The following PPDPFL variants were observed in gnomAD, a reference collection of about 807,000 sequenced individuals.
PPDPFL encodes pancreatic progenitor cell differentiation and proliferation factor-like protein.
A neutral mutation model predicts 12.6 loss-of-function variants in PPDPFL; 12 were observed. That is an observed-to-expected ratio of 0.95 (90% CI 0.61 to 1.54). The LOEUF (loss-of-function observed/expected upper bound fraction) is 1.54, where lower values mean the gene tolerates loss of function less well. PPDPFL is among the 40% of genes most tolerant of loss of function. PPDPFL has a pLI of 0.00. For synonymous variants in PPDPFL, 24 were observed against 32.7 expected, an observed-to-expected ratio of 0.73 and a Z score of 0.91; for missense variants, 114 against 96.0, an observed-to-expected ratio of 1.19 and a Z score of -0.78.
Position 49,074,083 on chromosome 8 carries a change from C to A in PPDPFL, c.80C>A (p.Ser27Tyr). 6.2e-7 allele frequency: 1 copy of A among 1,612,604 alleles called. No homozygotes were observed. Among genetic ancestry groups the A allele is most frequent in the Non-Finnish European group, 8.5e-7 (1 of 1,178,840 alleles). The stretch of plus-strand genomic sequence containing the variant: ...GAGTCCAGTGTTTCTTCAGTTAGTT[C>A]TTTAACTAGCTCTGATTCTGTTAAC... The part of the protein sequence containing the change: ...YRKSSVSSVS[S>Y]LTSSDSVNFI... The change falls in exon 3 of 5, where the codon TCT becomes TAT. Residue 27 changes from serine (S) to tyrosine (Y), a missense_variant. Physicochemically the swap from Ser to Tyr is moderately radical, Grantham distance 144 (BLOSUM62 -2). Coordinates refer to ENST00000522267, the MANE Select transcript of PPDPFL (RefSeq NM_001256597.2).
At chr8:49,068,548 G>A (rs919771398), upstream of PPDPFL, among the ~76,000 whole-genome samples, 8 of 152,166 alleles carry the variant, frequency 5.3e-5, no homozygotes, top group Admixed American at 2.6e-4. Flanking sequence ...TCATGTTAAA[G>A]AAGGTCAGAG....
At chr8:49,074,652 C>A in intron 4 of PPDPFL, 1 of 1,522,368 alleles carries the variant, frequency 6.6e-7, no homozygotes, top group South Asian at 1.2e-5. Context: ...TTGCTCATAC[C>A]TTCAGGAAAA....
chr8:49,071,884 T>C (rs776861740), upstream of PPDPFL, among the ~76,000 whole-genome samples: 262 of 152,308 alleles, frequency 1.7e-3, no homozygotes, highest in Middle Eastern at 3.4e-3. Flanking sequence ...AAGACTTCAA[T>C]GTTTCCTAGA....
chr8:49,075,529 A>C lies in PPDPFL; in HGVS notation c.*356A>C. ...CCCTTTTAAAGTAATATGTCTTCAA[A>C]TGTTGTGACTTACATAAAGTAGCTC... On this transcript the variant is annotated 3_prime_UTR_variant, in exon 5 of 5. Coordinates refer to ENST00000522267, the MANE Select transcript of PPDPFL (RefSeq NM_001256597.2). 1 of 509,850 alleles carries C rather than the reference A, an allele frequency of 2.0e-6. No individual in the cohort carries two copies. The allele number at this position is 509,850 out of a possible 1,614,324, so 31.6% of individuals were successfully genotyped here.
upstream of PPDPFL, among the ~76,000 whole-genome samples, chr8:49,069,264 T>G (rs767372592): frequency 6.6e-6 from 1 of 152,172 alleles, no homozygotes; most frequent in Non-Finnish European, 1.5e-5. Flanking sequence ...AGTAACACAT[T>G]GGTAAGTATA....
intron 1 of PPDPFL, among the ~76,000 whole-genome samples, chr8:49,057,096 A>G (rs1279669506): frequency 1.3e-5 from 2 of 152,178 alleles, no homozygotes; most frequent in African/African-American, 4.8e-5. Flanking sequence ...AGCTTGTGAC[A>G]TATGTGCAAG....
At chr8:49,070,868 G>A (rs1808372903), upstream of PPDPFL, among the ~76,000 whole-genome samples, 1 of 151,878 alleles carries the variant, frequency 6.6e-6, no homozygotes, top group Non-Finnish European at 1.5e-5. Flanking sequence ...TTGTATGTGT[G>A]CATGAGTGTG....
intron 4 of PPDPFL, 83 bp from the exon 5 acceptor site, chr8:49,075,069 T>C: frequency 6.4e-7 from 1 of 1,550,736 alleles, no homozygotes; most frequent in Non-Finnish European, 8.7e-7. Context: ...TGACACTCTT[T>C]ATCAAGTTTA....
upstream of PPDPFL, among the ~76,000 whole-genome samples, chr8:49,070,681 C>T (rs1005692522): frequency 9.2e-5 from 14 of 152,012 alleles, no homozygotes; most frequent in African/African-American, 3.1e-4. Context: ...ATATTAACAA[C>T]AAAAAGGAAG....
rs186587196 is a variant in PPDPFL at position 49,062,142 on chromosome 8, G to A, written c.-45+7773G>A. ...GGGCCTCTACCCTAAAGGAGCAGCA[G>A]GGCTTAGCTAAATGCACATGGGCAA... On this transcript the variant is annotated intron_variant, in intron 1 of 4. Coordinates refer to the PPDPFL transcript ENST00000517663. Among the ~76,000 whole-genome samples, 237 of 152,294 alleles carry A rather than the reference G, an allele frequency of 1.6e-3. 1 individual carries two copies. Among genetic ancestry groups the A allele is most frequent in the African/African-American group, 5.4e-3 (223 of 41,552 alleles).
upstream of PPDPFL, among the ~76,000 whole-genome samples, chr8:49,070,385 C>T (rs910823832): frequency 1.3e-5 from 2 of 152,126 alleles, no homozygotes; most frequent in African/African-American, 4.8e-5. Context: ...TACCCTTGAA[C>T]TTCAAAGTTA....
At chr8:49,065,000 G>C (rs1808272131) in intron 1 of PPDPFL, among the ~76,000 whole-genome samples, 1 of 152,180 alleles carries the variant, frequency 6.6e-6, no homozygotes, top group Non-Finnish European at 1.5e-5. Context: ...CAAATTATCA[G>C]TATATTGACC....
At position 49,075,314 on chromosome 8, in the gene PPDPFL, C is replaced by T. The variant is rs183664327; in HGVS notation, c.*141C>T. 2.2e-3 allele frequency: 3,394 copies of T among 1,534,258 alleles called. 7 individuals are homozygous for T. Among genetic ancestry groups the T allele is most frequent in the Non-Finnish European group, 2.7e-3 (2,991 of 1,107,216 alleles). On this transcript the variant is annotated 3_prime_UTR_variant, in exon 5 of 5. Transcript: ENST00000522267. ...CATGAACAGCTCCCCTTCAGCGCCC[C>T]AGCTATTCCAGGACTCTTCTCCATT...
chr8:49,071,301 C>T (rs1808383341), upstream of PPDPFL, among the ~76,000 whole-genome samples: 1 of 152,198 alleles, frequency 6.6e-6, no homozygotes, highest in Non-Finnish European at 1.5e-5. Context: ...TCAGCAATGG[C>T]CACAATCACC....
At chr8:49,064,457 C>T (rs1199509519) in intron 1 of PPDPFL, among the ~76,000 whole-genome samples, 1 of 152,018 alleles carries the variant, frequency 6.6e-6, no homozygotes, top group Non-Finnish European at 1.5e-5. Context: ...CAATCTGAGC[C>T]CCTGAGGAGA....
chr8:49,075,028 T>C, intron 4 of PPDPFL, 124 bp from the exon 5 acceptor site: 2 of 1,462,242 alleles, frequency 1.4e-6, no homozygotes, highest in Admixed American at 2.0e-5. Context: ...TAAAAGCCAA[T>C]GCAAGATTGA....
intron 1 of PPDPFL, among the ~76,000 whole-genome samples, chr8:49,064,953 A>C (rs1304274558): frequency 6.6e-6 from 1 of 152,184 alleles, no homozygotes; most frequent in Non-Finnish European, 1.5e-5. Context: ...CTAGACAATA[A>C]AGGGTGTTCA....
At chr8:49,063,744 A>T (rs1808250487) in intron 1 of PPDPFL, among the ~76,000 whole-genome samples, 1 of 152,050 alleles carries the variant, frequency 6.6e-6, no homozygotes, top group African/African-American at 2.4e-5. Flanking sequence ...AAAATGCATG[A>T]GTGGTGGCTG....
chr8:49,059,236 G>A (rs551071245), intron 1 of PPDPFL, among the ~76,000 whole-genome samples: 4 of 152,158 alleles, frequency 2.6e-5, no homozygotes, highest in Non-Finnish European at 5.9e-5. Context: ...GTGTTGTGGT[G>A]TGGTGTGGTG....
Sources: gnomAD v4.1 joint callset for allele counts (sites outside exome capture counted in the v4.1 genomes callset) on GRCh38, gnomAD v4.1.1 for gene constraint, MANE v1.5 for transcripts, NCBI Gene and HGNC (gene_info 2026-07-23, HGNC 2026-07-21) for gene names.